NAALADL2: variants seen among roughly 807,000 people sequenced by gnomAD.
The protein encoded by NAALADL2 is N-acetylated alpha-linked acidic dipeptidase like 2.
NAALADL2 carries 76 observed loss-of-function variants against 87.2 expected under a neutral mutation model. The observed-to-expected ratio is 0.87, with a 90% CI of 0.72 to 1.05. NAALADL2 has a LOEUF of 1.05. Among genes scored for constraint, NAALADL2 ranks in the 50% least tolerant of loss-of-function variants. The pLI is 0.00. For missense variants in NAALADL2, 1,089 were observed against 945.8 expected (o/e 1.15, Z -1.99); for synonymous variants, 354 against 331.0 (o/e 1.07, Z -0.75).
chr3:175,292,304 A>C (rs898896011), intron 4 of NAALADL2, among the ~76,000 whole-genome samples: 2 of 152,210 alleles, frequency 1.3e-5, no homozygotes, highest in South Asian at 4.1e-4. Context: ...ACTTGCCTAA[A>C]GTCTTCGAGG....
chr3:174,708,701 T>C (rs925276902), intron 2 of NAALADL2, among the ~76,000 whole-genome samples: 1 of 152,124 alleles, frequency 6.6e-6, no homozygotes, highest in Non-Finnish European at 1.5e-5. Flanking sequence ...ACCTTACATA[T>C]GAATTCTTTT....
At chr3:174,506,028 C>T (rs567949539) in intron 1 of NAALADL2, among the ~76,000 whole-genome samples, 7 of 151,826 alleles carry the variant, frequency 4.6e-5, no homozygotes, top group African/African-American at 1.4e-4. Flanking sequence ...TGTGTGTGCA[C>T]GTATGTGTGT....
At chr3:174,682,379 G>GAGGTCT (rs1288666957) in intron 2 of NAALADL2, among the ~76,000 whole-genome samples, 11 of 152,140 alleles carry the variant, frequency 7.2e-5, no homozygotes, top group Non-Finnish European at 8.8e-5. Context: ...GCCATCTGCT[G>GAGGTCT]TTGATAGAGC....
intron 2 of NAALADL2, among the ~76,000 whole-genome samples, chr3:175,229,133 A>G (rs1007443533): frequency 2.6e-5 from 4 of 151,934 alleles, no homozygotes; most frequent in African/African-American, 9.7e-5. Flanking sequence ...CCTGACATAT[A>G]CATTATAACA....
chr3:175,020,033 C>T (rs1365125816), intron 1 of NAALADL2, among the ~76,000 whole-genome samples: 1 of 151,990 alleles, frequency 6.6e-6, no homozygotes, highest in Non-Finnish European at 1.5e-5. Context: ...GTATGTTACA[C>T]ATAATAAGCA....
chr3:175,219,895 A>C (rs2109340570), intron 2 of NAALADL2, among the ~76,000 whole-genome samples: 1 of 148,986 alleles, frequency 6.7e-6, no homozygotes, highest in East Asian at 2.0e-4. Flanking sequence ...CTATCTTTCA[A>C]CAAGTGTATT....
chr3:174,668,341 G>A (rs373704744), intron 2 of NAALADL2, among the ~76,000 whole-genome samples: 4 of 151,862 alleles, frequency 2.6e-5, no homozygotes, highest in East Asian at 3.9e-4. Flanking sequence ...GTCCTTCAAT[G>A]CCCAGAAGTT....
At chr3:175,562,772 A>C (rs2149519121) in intron 9 of NAALADL2, among the ~76,000 whole-genome samples, 1 of 117,404 alleles carries the variant, frequency 8.5e-6, no homozygotes, top group African/African-American at 2.6e-5. Context: ...ATCATCTTTT[A>C]CTCAGCCTAA....
chr3:175,728,117 T>C (rs1743183231), intron 11 of NAALADL2, among the ~76,000 whole-genome samples: 1 of 152,182 alleles, frequency 6.6e-6, no homozygotes, highest in African/African-American at 2.4e-5. Flanking sequence ...GAATATTAGA[T>C]ATCATAAATC....
chr3:175,300,797 A>G (rs995972983), intron 4 of NAALADL2, among the ~76,000 whole-genome samples: 10 of 142,990 alleles, frequency 7.0e-5, no homozygotes, highest in South Asian at 2.2e-4. Flanking sequence ...ATTTTATTTT[A>G]TTTTATTTAT....
intron 9 of NAALADL2, among the ~76,000 whole-genome samples, chr3:175,508,961 C>A (rs1369634630): frequency 1.3e-5 from 2 of 151,694 alleles, no homozygotes; most frequent in Non-Finnish European, 2.9e-5. Flanking sequence ...ACTAAAAATA[C>A]AAAAATTAGC....
Position 174,454,209 on chromosome 3 carries a change from A to G in NAALADL2, c.-184+13177A>G, listed in dbSNP as rs867980108. 3.9e-5 allele frequency among the ~76,000 whole-genome samples: 6 copies of G among 152,138 alleles called. No homozygotes were observed. In the South Asian group the frequency reaches 8.3e-4, roughly 21 times the overall value. ...GAAGATCTAACTTTCCTAAATATAT[A>G]TGCACTCAACACAGGAGTACCCAGA... On this transcript the variant is annotated intron_variant, in intron 1 of 3. Transcript: ENST00000434257.
At chr3:175,428,765 A>T (rs1717246010) in intron 5 of NAALADL2, among the ~76,000 whole-genome samples, 1 of 152,050 alleles carries the variant, frequency 6.6e-6, no homozygotes. Flanking sequence ...TAAAGCTTCC[A>T]ATCCATTCTC....
chr3:175,371,913 A>G (rs952931715), intron 5 of NAALADL2, among the ~76,000 whole-genome samples: 4 of 152,172 alleles, frequency 2.6e-5, no homozygotes, highest in Non-Finnish European at 4.4e-5. Context: ...AACTACATCC[A>G]CAAAGCGTTC....
rs746090493 is a variant in NAALADL2, at chr3:175,324,218, A to G, written c.983A>G (p.Tyr328Cys). 5 of 1,613,544 alleles carry G rather than the reference A, an allele frequency of 3.1e-6. No individual in the cohort carries two copies. Among genetic ancestry groups the G allele is most frequent in the Admixed American group, 3.3e-5 (2 of 59,966 alleles). Residue 328 changes from tyrosine (Y) to cysteine (C), a missense_variant, in exon 5 of 14, where the codon TAT (tyrosine) becomes TGT (cysteine). Physicochemically the swap from Tyr to Cys is radical, Grantham distance 194. Transcript: ENST00000454872. ...EKAGFGGVLL[Y>C]IDPCDLPKTV... ...GCTGGATTTGGAGGTGTTCTTCTGT[A>G]TATCGATCCTTGTGATTTGCCAAAG... is the stretch of plus-strand genomic sequence containing the variant.
intron 2 of NAALADL2, among the ~76,000 whole-genome samples, chr3:175,182,550 G>GTTTTTTTTTTTTTTTTTTTTTTTTT (rs1161831796): frequency 2.9e-5 from 2 of 69,474 alleles, no homozygotes; most frequent in Admixed American, 2.1e-4. Flanking sequence ...ACCACAGCCA[G>GTTTTTTTTTTTTTTTTTTTTTTTTT]TTTTTTTTTT....
chr3:175,083,649 A>C (rs1718316027), intron 1 of NAALADL2, among the ~76,000 whole-genome samples: 1 of 152,164 alleles, frequency 6.6e-6, no homozygotes, highest in Non-Finnish European at 1.5e-5. Flanking sequence ...TAATAGTTAC[A>C]TAGGATTTTA....
At chr3:175,168,664 G>T (rs1734336531) in intron 2 of NAALADL2, among the ~76,000 whole-genome samples, 1 of 151,696 alleles carries the variant, frequency 6.6e-6, no homozygotes, top group Admixed American at 6.6e-5. Flanking sequence ...CTGAGATATT[G>T]ATATCTTTTT....
chr3:175,198,602 C>A (rs1206256791), intron 2 of NAALADL2, among the ~76,000 whole-genome samples: 1 of 152,016 alleles, frequency 6.6e-6, no homozygotes, highest in Non-Finnish European at 1.5e-5. Flanking sequence ...CTTACCTTGC[C>A]TTGAAATGAT....
Sources: allele counts gnomAD v4.1 joint callset (sites outside exome capture counted in the v4.1 genomes callset), GRCh38; gene constraint gnomAD v4.1.1; transcripts MANE v1.5; gene names NCBI Gene and HGNC (gene_info 2026-07-23, HGNC 2026-07-21).